The following GRID2 variants were observed in gnomAD, a reference collection of about 807,000 sequenced individuals.
GRID2 encodes the protein glutamate receptor ionotropic, delta-2.
In GRID2, 33 loss-of-function variants were observed where a neutral mutation model predicts 114.8. The ratio of observed to expected loss-of-function variants is 0.29; its 90% CI spans 0.22 to 0.38. The LOEUF (loss-of-function observed/expected upper bound fraction) is 0.38, where lower values mean the gene tolerates loss of function less well. GRID2 is among the 10% of genes least tolerant of loss of function. The pLI, the probability that GRID2 is intolerant of heterozygous loss-of-function variation, is 1.00. For synonymous variants in GRID2, 505 were observed against 449.9 expected (o/e 1.12, Z -1.55); for missense variants, 1,184 against 1,257.7 (o/e 0.94, Z 0.89).
At chr4:92,651,528 T>C (rs1027956140) in intron 2 of GRID2, among the ~76,000 whole-genome samples, 2 of 152,066 alleles carry the variant, frequency 1.3e-5, no homozygotes, top group East Asian at 3.9e-4. Flanking sequence ...AATTCTCCAC[T>C]AGCTAGGTCA....
At chr4:93,069,065 C>G in intron 2 of GRID2, among the ~76,000 whole-genome samples, 1 of 151,882 alleles carries the variant, frequency 6.6e-6, no homozygotes, top group Admixed American at 6.6e-5. Context: ...CCAAAACTGA[C>G]TCACTATCAC....
At chr4:92,481,707 T>G (rs1433882632) in intron 1 of GRID2, among the ~76,000 whole-genome samples, 1 of 151,996 alleles carries the variant, frequency 6.6e-6, no homozygotes, top group Non-Finnish European at 1.5e-5. Context: ...TGGTTCCAGA[T>G]GAATTTCATG....
chr4:92,319,457 A>C (rs1328086920), intron 1 of GRID2, among the ~76,000 whole-genome samples: 1 of 152,224 alleles, frequency 6.6e-6, no homozygotes, highest in East Asian at 1.9e-4. Context: ...GTTTCCATGA[A>C]ACATCCTTAG....
At chr4:93,701,418 C>A (rs1727497281) in intron 14 of GRID2, among the ~76,000 whole-genome samples, 1 of 152,058 alleles carries the variant, frequency 6.6e-6, no homozygotes, top group South Asian at 2.1e-4. Flanking sequence ...CTAAAGTTTT[C>A]TAAGCTGATT....
At chr4:93,197,323 G>A (rs1458870129) in intron 4 of GRID2, among the ~76,000 whole-genome samples, 2 of 152,040 alleles carry the variant, frequency 1.3e-5, no homozygotes, top group Non-Finnish European at 1.5e-5. Flanking sequence ...CTCCTGTTTC[G>A]CTTTATGATT....
At chr4:93,061,613 A>G (rs376328280) in intron 2 of GRID2, among the ~76,000 whole-genome samples, 2 of 152,176 alleles carry the variant, frequency 1.3e-5, no homozygotes, top group South Asian at 2.1e-4. Context: ...ATCAAAGCAG[A>G]CTAGCAACTC....
At chr4:93,152,619 G>C (rs568758460) in intron 4 of GRID2, among the ~76,000 whole-genome samples, 2 of 152,230 alleles carry the variant, frequency 1.3e-5, no homozygotes, top group Admixed American at 6.6e-5. Flanking sequence ...GCCAGACTCT[G>C]GAACCAAATG....
At chr4:93,587,181 C>T (rs13106627) in intron 13 of GRID2, among the ~76,000 whole-genome samples, 29,565 of 151,984 alleles carry the variant, frequency 0.19, 3,272 homozygotes, top group Middle Eastern at 0.34. Context: ...CTGCTCGAGA[C>T]ACTGAGCACA....
intron 4 of GRID2, among the ~76,000 whole-genome samples, chr4:93,166,701 C>T (rs1560945269): frequency 2.0e-5 from 3 of 152,106 alleles, no homozygotes; most frequent in African/African-American, 4.8e-5. Flanking sequence ...CTGGCCAGAG[C>T]TGCTTGTCAG....
At chr4:92,515,919 G>A (rs1373121617) in intron 1 of GRID2, among the ~76,000 whole-genome samples, 1 of 151,936 alleles carries the variant, frequency 6.6e-6, no homozygotes. Context: ...ATAGAAAGTA[G>A]ATTTTTTTAA....
rs559506101 is a variant in GRID2, at chr4:93,146,621, G to A, written c.735+35668G>A. Among the ~76,000 whole-genome samples the A allele has an allele frequency of 3.3e-5, 5 of 151,394 alleles. No homozygotes were observed. In the East Asian group the frequency reaches 9.7e-4, roughly 29 times the overall value. On this transcript the variant is annotated intron_variant, in intron 4 of 15. Coordinates refer to ENST00000282020, the MANE Select transcript of GRID2 (RefSeq NM_001510.4). ...AGAGAAAGGAGGAGAGAGAGAGAGA[G>A]AAAGAGAGAAAGAAAGAAGGAAAGA...
intron 1 of GRID2, among the ~76,000 whole-genome samples, chr4:93,806,122 G>T (rs1009013243): frequency 3.3e-5 from 5 of 152,074 alleles, no homozygotes; most frequent in Admixed American, 6.6e-5. Flanking sequence ...AAAAAAAAGC[G>T]TATATTCATA....
intron 1 of GRID2, among the ~76,000 whole-genome samples, chr4:92,310,128 T>C (rs1725621108): frequency 6.6e-6 from 1 of 152,042 alleles, no homozygotes; most frequent in Non-Finnish European, 1.5e-5. Flanking sequence ...ATTCCTTGCA[T>C]AGTTGCACCT....
At chr4:93,104,448 C>T (rs780803162) in intron 3 of GRID2, among the ~76,000 whole-genome samples, 45 of 151,662 alleles carry the variant, frequency 3.0e-4, no homozygotes, top group Non-Finnish European at 5.4e-4. Flanking sequence ...CTAATGCTAT[C>T]CCTCCCCACT....
chr4:93,487,815 A>G (rs1726564973), intron 11 of GRID2, among the ~76,000 whole-genome samples: 1 of 151,858 alleles, frequency 6.6e-6, no homozygotes, highest in South Asian at 2.1e-4. Flanking sequence ...TTATGTATTC[A>G]ATTTTTCTAG....
intron 8 of GRID2, among the ~76,000 whole-genome samples, chr4:93,346,405 A>G (rs761441973): frequency 6.6e-6 from 1 of 152,110 alleles, no homozygotes; most frequent in African/African-American, 2.4e-5. Context: ...CTTCAGCACA[A>G]TACTCCAAAA....
At chr4:93,295,014 G>A (rs905586961) in intron 8 of GRID2, among the ~76,000 whole-genome samples, 4 of 152,162 alleles carry the variant, frequency 2.6e-5, no homozygotes, top group African/African-American at 9.7e-5. Context: ...GGAAGGACAG[G>A]TGTCCTTTAC....
At chr4:92,912,222 G>A (rs1412331539) in intron 2 of GRID2, among the ~76,000 whole-genome samples, 1 of 151,828 alleles carries the variant, frequency 6.6e-6, no homozygotes, top group Non-Finnish European at 1.5e-5. Flanking sequence ...GGATATATGA[G>A]CTTTTAACTT....
intron 13 of GRID2, among the ~76,000 whole-genome samples, chr4:93,556,676 T>G (rs1734345244): frequency 6.6e-6 from 1 of 152,116 alleles, no homozygotes; most frequent in Non-Finnish European, 1.5e-5. Flanking sequence ...AAAACACTCT[T>G]TAGGATATTA....
Sources: gnomAD v4.1 joint callset for allele counts (sites outside exome capture counted in the v4.1 genomes callset) on GRCh38, gnomAD v4.1.1 for gene constraint, MANE v1.5 for transcripts, NCBI Gene and HGNC (gene_info 2026-07-23, HGNC 2026-07-21) for gene names.